ROBO2: variants seen among roughly 807,000 people sequenced by gnomAD.
ROBO2 encodes roundabout homolog 2.
ROBO2 carries 53 observed loss-of-function variants against 160.8 expected under a neutral mutation model. That is an observed-to-expected ratio of 0.33 (90% CI 0.26 to 0.41). The LOEUF (loss-of-function observed/expected upper bound fraction) is 0.41. ROBO2 is among the 10% of genes least tolerant of loss of function. ROBO2 has a pLI of 1.00. For synonymous variants in ROBO2, 664 were observed against 611.7 expected, an observed-to-expected ratio of 1.09 and a Z score of -1.26; for missense variants, 1,577 against 1,722.4, an observed-to-expected ratio of 0.92 and a Z score of 1.49.
intron 2 of ROBO2, chr3:76,434,679 C>T: frequency 8.8e-7 from 1 of 1,140,706 alleles, no homozygotes; most frequent in Non-Finnish European, 1.3e-6. Context: ...TCTGCTGGAT[C>T]AGGTCCTCCT....
At chr3:76,261,932 G>A (rs1214151927) in intron 2 of ROBO2, among the ~76,000 whole-genome samples, 2 of 152,050 alleles carry the variant, frequency 1.3e-5, no homozygotes, top group Admixed American at 1.3e-4. Flanking sequence ...CATTATATAC[G>A]ATTTTTGGAG....
At chr3:77,596,856 C>A in intron 19 of ROBO2, 106 bp downstream of exon 20, 2 of 1,307,784 alleles carry the variant, frequency 1.5e-6, no homozygotes, top group Non-Finnish European at 1.1e-6. Context: ...GTATTTACTC[C>A]CATAATTAAA....
chr3:76,821,247 T>G (rs923505971), intron 2 of ROBO2, among the ~76,000 whole-genome samples: 1 of 152,020 alleles, frequency 6.6e-6, no homozygotes, highest in Non-Finnish European at 1.5e-5. Context: ...AAAACTGACT[T>G]TTGGTTTTAA....
chr3:76,680,239 G>A (rs2092521324), intron 2 of ROBO2, among the ~76,000 whole-genome samples: 1 of 151,592 alleles, frequency 6.6e-6, no homozygotes. Context: ...TCTATAAAAT[G>A]TATAAGCCTT....
chr3:76,213,969 T>C (rs901315474), intron 2 of ROBO2, among the ~76,000 whole-genome samples: 2 of 152,158 alleles, frequency 1.3e-5, no homozygotes, highest in Admixed American at 6.5e-5. Flanking sequence ...AGATGGATCT[T>C]CTCTACTCGG....
At chr3:76,046,474 C>A (rs1241484603) in intron 2 of ROBO2, among the ~76,000 whole-genome samples, 2 of 151,690 alleles carry the variant, frequency 1.3e-5, no homozygotes, top group East Asian at 1.9e-4. Context: ...GCGGTGAAGC[C>A]CCGTCTCTAC....
chr3:76,956,039 A>C (rs1157931110), intron 2 of ROBO2, among the ~76,000 whole-genome samples: 1 of 152,152 alleles, frequency 6.6e-6, no homozygotes. Flanking sequence ...AACAACAATA[A>C]AAAAGCTCCC....
chr3:76,972,784 A>G (rs2059633933), intron 2 of ROBO2, among the ~76,000 whole-genome samples: 1 of 152,130 alleles, frequency 6.6e-6, no homozygotes, highest in Non-Finnish European at 1.5e-5. Flanking sequence ...ACAACAAGCT[A>G]TGATCCTGCC....
At chr3:75,957,074 T>A (rs530096738) in intron 2 of ROBO2, among the ~76,000 whole-genome samples, 2 of 151,794 alleles carry the variant, frequency 1.3e-5, no homozygotes, top group South Asian at 2.1e-4. Context: ...TTTATGATAG[T>A]GTTGCTTAAC....
At chr3:76,403,883 C>A (rs1237089099) in intron 2 of ROBO2, among the ~76,000 whole-genome samples, 2 of 151,510 alleles carry the variant, frequency 1.3e-5, no homozygotes, top group African/African-American at 4.8e-5. Context: ...TTAGGACTAC[C>A]CTTAAGAAAC....
At chr3:76,972,335 T>C (rs935143119) in intron 2 of ROBO2, among the ~76,000 whole-genome samples, 1 of 152,048 alleles carries the variant, frequency 6.6e-6, no homozygotes, top group African/African-American at 2.4e-5. Context: ...GGGAATTTGT[T>C]GTTAGTTGAA....
intron 2 of ROBO2, among the ~76,000 whole-genome samples, chr3:76,207,429 GTATTTTCTC>G (rs1702882119): frequency 6.6e-6 from 1 of 152,054 alleles, no homozygotes; most frequent in Non-Finnish European, 1.5e-5. Flanking sequence ...GTTAATTTTA[GTATTTTCTC>G]TAGTATGTTT....
chr3:77,148,532 G>T (rs1411512885), intron 2 of ROBO2, among the ~76,000 whole-genome samples: 3 of 152,168 alleles, frequency 2.0e-5, no homozygotes, highest in African/African-American at 7.2e-5. Context: ...AAGAACTATT[G>T]TGTATTCAGT....
intron 2 of ROBO2, among the ~76,000 whole-genome samples, chr3:76,686,374 A>C (rs1302891764): frequency 6.6e-6 from 1 of 152,128 alleles, no homozygotes; most frequent in Admixed American, 6.6e-5. Flanking sequence ...CAATTTATTC[A>C]GATAAATTAC....
intron 2 of ROBO2, among the ~76,000 whole-genome samples, chr3:76,532,757 G>A (rs1030817246): frequency 6.6e-5 from 10 of 152,066 alleles, no homozygotes; most frequent in Admixed American, 5.9e-4. Context: ...GTGCAAAAAG[G>A]GAAACAGTTC....
At chr3:76,742,665 A>G (rs1171924274) in intron 2 of ROBO2, among the ~76,000 whole-genome samples, 1 of 152,100 alleles carries the variant, frequency 6.6e-6, no homozygotes, top group Admixed American at 6.6e-5. Flanking sequence ...ATCACATCAC[A>G]TTAGTGTTAT....
intron 2 of ROBO2, among the ~76,000 whole-genome samples, chr3:75,988,148 G>A (rs529332564): frequency 6.6e-6 from 1 of 152,100 alleles, no homozygotes; most frequent in Non-Finnish European, 1.5e-5. Flanking sequence ...CAGCAGTGAA[G>A]CTGTCAGGTC....
chr3:75,965,449 G>T (rs1240485015), intron 2 of ROBO2, among the ~76,000 whole-genome samples: 3 of 14,344 alleles, frequency 2.1e-4, no homozygotes, highest in African/African-American at 3.4e-4. Context: ...GAGCTGTTCA[G>T]ATATGTGTGA....
chr3:77,487,748 G>A (rs1045925259), intron 4 of ROBO2, among the ~76,000 whole-genome samples: 1 of 152,100 alleles, frequency 6.6e-6, no homozygotes, highest in Non-Finnish European at 1.5e-5. Flanking sequence ...TAACTCTAAT[G>A]TCCTTTTATT....
Sources: gnomAD v4.1 joint callset for allele counts (sites outside exome capture counted in the v4.1 genomes callset) on GRCh38, gnomAD v4.1.1 for gene constraint, MANE v1.5 for transcripts, NCBI Gene and HGNC (gene_info 2026-07-23, HGNC 2026-07-21) for gene names.